RABGEF1: variants seen among roughly 807,000 people sequenced by gnomAD.
RABGEF1 encodes the protein rab5 GDP/GTP exchange factor.
Under a neutral mutation model 57.3 loss-of-function variants are expected in RABGEF1, and 26 were observed. The observed-to-expected ratio is 0.45, with a 90% CI of 0.33 to 0.63. The LOEUF is 0.63. Ranked by LOEUF, RABGEF1 falls within the 20% of genes least tolerant of loss-of-function variation. The pLI is 0.02. For synonymous variants in RABGEF1, 185 were observed against 210.7 expected (o/e 0.88, Z 1.06); for missense variants, 464 against 607.6 (o/e 0.76, Z 2.48).
chr7:66,769,741 C>T (rs1280058872), intron 1 of RABGEF1, among the ~76,000 whole-genome samples: 1 of 152,166 alleles, frequency 6.6e-6, no homozygotes, highest in South Asian at 2.1e-4. Flanking sequence ...TCATGCTTTC[C>T]CCTTTTCAGG....
chr7:66,724,311 C>T (rs1217375922), intron 2 of RABGEF1, among the ~76,000 whole-genome samples: 1 of 151,874 alleles, frequency 6.6e-6, no homozygotes, highest in African/African-American at 2.4e-5. Flanking sequence ...TATTCAGCAA[C>T]TTGATTGTGA....
chr7:66,761,654 G>A (rs1390282582), intron 1 of RABGEF1, among the ~76,000 whole-genome samples: 1 of 152,182 alleles, frequency 6.6e-6, no homozygotes, highest in Non-Finnish European at 1.5e-5. Flanking sequence ...CCTCTCTGGG[G>A]AGGGTTTAAG....
chr7:66,795,733 T>A, intron 5 of RABGEF1, 141 bp downstream of exon 5: 2 of 771,494 alleles, frequency 2.6e-6, no homozygotes, highest in Non-Finnish European at 4.5e-6. Flanking sequence ...TGGGAACTGG[T>A]CTTATACTTA....
chr7:66,732,412 C>T (rs1016256167), intron 2 of RABGEF1, among the ~76,000 whole-genome samples: 1 of 152,170 alleles, frequency 6.6e-6, no homozygotes, highest in African/African-American at 2.4e-5. Context: ...CAGATGAGAC[C>T]TAAGGTAGGA....
Position 66,782,146 on chromosome 7 carries a change from A to C in RABGEF1, c.347-1529A>C, listed in dbSNP as rs1810068020. ...ATGTCAACACAATCTTTGGTTTTCC[A>C]TTGAGATAAAAAATATTTTAGAAAA... On this transcript the variant is annotated intron_variant, in intron 3 of 8. Transcript: ENST00000284957. 3.3e-5 allele frequency among the ~76,000 whole-genome samples: 5 copies of C among 152,360 alleles called. No homozygotes were observed. The South Asian group carries it at 1.0e-3, about 32-fold the overall frequency.
intron 1 of RABGEF1, among the ~76,000 whole-genome samples, chr7:66,682,736 G>C (rs78549879): frequency 6.6e-6 from 1 of 152,196 alleles, no homozygotes; most frequent in Admixed American, 6.5e-5. Flanking sequence ...ATCCCGCGTC[G>C]CCCTGGGGGG....
chr7:66,796,570 GGAA>G (rs1221661855), intron 5 of RABGEF1, among the ~76,000 whole-genome samples: 9 of 152,018 alleles, frequency 5.9e-5, no homozygotes, highest in Non-Finnish European at 1.3e-4. Flanking sequence ...CCCAACAGTT[GGAA>G]GAAGATTTTT....
intron 1 of RABGEF1, among the ~76,000 whole-genome samples, chr7:66,694,029 G>A (rs1331802170): frequency 7.9e-5 from 12 of 152,082 alleles, no homozygotes; most frequent in East Asian, 7.7e-4. Context: ...GGCTGGTCTC[G>A]AACTCCTGGC....
chr7:66,776,828 G>C (rs555319325), intron 3 of RABGEF1, among the ~76,000 whole-genome samples: 1 of 152,230 alleles, frequency 6.6e-6, no homozygotes, highest in Non-Finnish European at 1.5e-5. Flanking sequence ...GATTAAATAA[G>C]AATGTATTGG....
At chr7:66,709,919 T>C (rs988196083) in intron 1 of RABGEF1, among the ~76,000 whole-genome samples, 3 of 152,202 alleles carry the variant, frequency 2.0e-5, no homozygotes, top group Non-Finnish European at 4.4e-5. Context: ...AATGCAAAAG[T>C]AACATTAATT....
chr7:66,663,243 C>T, the RABGEF1 span, among the ~76,000 whole-genome samples: 3 of 152,304 alleles, frequency 2.0e-5, no homozygotes, highest in South Asian at 6.2e-4. Flanking sequence ...GACTGGTTTG[C>T]TGTTAATAAA....
In RABGEF1 at chr7:66,772,032, A is replaced by C. The variant is rs1807263165; in HGVS notation, c.133A>C (p.Lys45Gln). ...CAAGTGCTGGAGGGAAGAGTACCACAAAGCCAGGCAGAAGCAGATTCAGGA... is the reference window on the plus strand; with the variant it reads ...CAAGTGCTGGAGGGAAGAGTACCACCAAGCCAGGCAGAAGCAGATTCAGGA... ...CSKCWREEYH[K>Q]ARQKQIQEDW... The change falls in exon 2 of 9, where the codon AAA becomes CAA. Residue 45 changes from lysine to glutamine, a missense_variant. Physicochemically the swap from Lys to Gln is moderately conservative, Grantham distance 53 (BLOSUM62 1). Transcript: ENST00000284957. 6.3e-7 allele frequency: 1 copy of C among 1,585,192 alleles called. No homozygotes were observed. The highest frequency in any genetic ancestry group is 1.7e-4 in the Middle Eastern group (1 of 5,946).
intron 1 of RABGEF1, among the ~76,000 whole-genome samples, chr7:66,706,906 C>A (rs1034817442): frequency 6.6e-6 from 1 of 150,664 alleles, no homozygotes. Context: ...CTCAGCCTCC[C>A]GAGTAGCTGG....
intron 2 of RABGEF1, among the ~76,000 whole-genome samples, chr7:66,733,420 C>T (rs1410009858): frequency 1.3e-5 from 2 of 152,170 alleles, no homozygotes; most frequent in East Asian, 1.9e-4. Context: ...CCTCCTAGGC[C>T]AGGCTCAGTG....
intron 8 of RABGEF1, chr7:66,807,708 G>A (rs1272676539): frequency 6.6e-6 from 1 of 152,244 alleles, no homozygotes; most frequent in South Asian, 2.1e-4. Context: ...CCTAAGTGAG[G>A]AGTTAGAATC....
At chr7:66,787,336 ATTTTTTTT>A (rs973607816) in intron 4 of RABGEF1, among the ~76,000 whole-genome samples, 3 of 88,110 alleles carry the variant, frequency 3.4e-5, no homozygotes, top group African/African-American at 1.3e-4. Context: ...GCCTGGCCTG[ATTTTTTTT>A]TTTTTTTTTT....
intron 1 of RABGEF1, among the ~76,000 whole-genome samples, chr7:66,758,963 T>G (rs1490970754): frequency 6.6e-6 from 1 of 152,258 alleles, no homozygotes; most frequent in African/African-American, 2.4e-5. Context: ...AGGTCCTGTG[T>G]ACTCTTCTAG....
intron 1 of RABGEF1, among the ~76,000 whole-genome samples, chr7:66,764,844 C>T (rs902903541): frequency 4.6e-5 from 7 of 152,122 alleles, no homozygotes; most frequent in African/African-American, 7.2e-5. Flanking sequence ...GCCAGTACCG[C>T]GCTGTAGTAA....
At chr7:66,796,861 G>C (rs781212242) in intron 5 of RABGEF1, 8 of 436,650 alleles carry the variant, frequency 1.8e-5, no homozygotes, top group South Asian at 1.3e-4. Context: ...AAAGTGCTGG[G>C]AATACAGGAG....
Sources: gnomAD v4.1 joint callset for allele counts (sites outside exome capture counted in the v4.1 genomes callset) on GRCh38, gnomAD v4.1.1 for gene constraint, MANE v1.5 for transcripts, NCBI Gene and HGNC (gene_info 2026-07-23, HGNC 2026-07-21) for gene names.